Variants in ANKS1B observed in about 807,000 individuals in gnomAD.
The protein encoded by ANKS1B is ankyrin repeat and sterile alpha motif domain-containing protein 1B.
A neutral mutation model predicts 148.3 loss-of-function variants in ANKS1B; 36 were observed. The ratio of observed to expected loss-of-function variants is 0.24; its 90% CI spans 0.19 to 0.32. ANKS1B has a LOEUF of 0.32. ANKS1B is among the 10% of genes least tolerant of loss of function. The pLI is 1.00. For synonymous variants in ANKS1B, 542 were observed against 560.8 expected, an observed-to-expected ratio of 0.97 and a Z score of 0.47; for missense variants, 1,157 against 1,542.6, an observed-to-expected ratio of 0.75 and a Z score of 4.19.
At chr12:98,762,375 C>A (rs534559076) in intron 25 of ANKS1B, among the ~76,000 whole-genome samples, 1 of 152,072 alleles carries the variant, frequency 6.6e-6, no homozygotes, top group Non-Finnish European at 1.5e-5. Flanking sequence ...TAGAGATGCA[C>A]GCACAGTTGA....
At chr12:99,276,666 G>C (rs556802935) in intron 12 of ANKS1B, among the ~76,000 whole-genome samples, 8 of 152,322 alleles carry the variant, frequency 5.3e-5, no homozygotes, top group Admixed American at 5.2e-4. Flanking sequence ...GTGATATTTT[G>C]TTATGGCAGC....
chr12:99,606,091 T>C (rs1427036278), intron 9 of ANKS1B, among the ~76,000 whole-genome samples: 1 of 152,096 alleles, frequency 6.6e-6, no homozygotes, highest in Non-Finnish European at 1.5e-5. Context: ...ATTAGTGATG[T>C]TGAGCATTTT....
chr12:99,172,806 A>G (rs1465723796), intron 14 of ANKS1B, among the ~76,000 whole-genome samples: 1 of 152,220 alleles, frequency 6.6e-6, no homozygotes, highest in African/African-American at 2.4e-5. Flanking sequence ...ATGTTGATAA[A>G]TACAGAAAGT....
chr12:99,122,457 C>A (rs2063132575), intron 15 of ANKS1B, among the ~76,000 whole-genome samples: 1 of 152,154 alleles, frequency 6.6e-6, no homozygotes, highest in Non-Finnish European at 1.5e-5. Context: ...CAGTTTTTCT[C>A]TTAACTGCCA....
chr12:99,744,462 G>A (rs1177952745), intron 8 of ANKS1B, among the ~76,000 whole-genome samples: 1 of 152,144 alleles, frequency 6.6e-6, no homozygotes, highest in Non-Finnish European at 1.5e-5. Flanking sequence ...CTGTCCTTAA[G>A]TCCCTATGTC....
chr12:98,838,163 A>G (rs564960519), intron 17 of ANKS1B, among the ~76,000 whole-genome samples: 1 of 152,212 alleles, frequency 6.6e-6, no homozygotes, highest in East Asian at 1.9e-4. Context: ...TAATTCACTA[A>G]ACATTTCCCC....
intron 1 of ANKS1B, among the ~76,000 whole-genome samples, chr12:99,856,334 A>C (rs1565870828): frequency 6.6e-6 from 1 of 152,152 alleles, no homozygotes; most frequent in Non-Finnish European, 1.5e-5. Flanking sequence ...AAATTCCTGG[A>C]AATATACAGC....
chr12:99,505,403 G>C (rs563853396), intron 9 of ANKS1B, among the ~76,000 whole-genome samples: 1 of 151,822 alleles, frequency 6.6e-6, no homozygotes, highest in African/African-American at 2.4e-5. Flanking sequence ...CAGCACACTA[G>C]TATCTTTCCT....
chr12:99,203,981 T>C (rs2082356316), intron 14 of ANKS1B, among the ~76,000 whole-genome samples: 1 of 152,212 alleles, frequency 6.6e-6, no homozygotes. Context: ...TGTTGTATAA[T>C]CTGATGTCAC....
intron 17 of ANKS1B, chr12:98,894,724 C>T: frequency 1.0e-6 from 1 of 985,638 alleles, no homozygotes; most frequent in Non-Finnish European, 1.2e-6. Context: ...CCTCCGCTCC[C>T]CTAGCCGTTG....
In ANKS1B at chr12:99,767,405, T is replaced by TA. The variant is rs146590603; in HGVS notation, c.1128+5516dup. Among the ~76,000 whole-genome samples, 2,237 of 147,898 alleles carry TA rather than the reference T, an allele frequency of 0.015. 108 individuals carry two copies. In the East Asian group the frequency reaches 0.15, roughly 10 times the overall value. ...GAGGTAATGTTCTATTACAAATGTT[T>TA]AAAAAAAAAACAAAAAAACTTTTCC... is the stretch of plus-strand genomic sequence containing the variant. On this transcript the variant is annotated intron_variant, in intron 8 of 26. Transcript: ENST00000683438.
At chr12:99,371,951 A>C (rs2093158859) in intron 12 of ANKS1B, among the ~76,000 whole-genome samples, 1 of 152,156 alleles carries the variant, frequency 6.6e-6, no homozygotes, top group Non-Finnish European at 1.5e-5. Flanking sequence ...AACTAACACT[A>C]TTATTATTTC....
chr12:99,173,438 C>G (rs2078019073), intron 14 of ANKS1B, among the ~76,000 whole-genome samples: 1 of 151,860 alleles, frequency 6.6e-6, no homozygotes, highest in Non-Finnish European at 1.5e-5. Context: ...AGAATTTGAC[C>G]CTCAATTCTG....
intron 9 of ANKS1B, among the ~76,000 whole-genome samples, chr12:99,517,787 T>C (rs2096836623): frequency 6.6e-6 from 1 of 152,128 alleles, no homozygotes; most frequent in African/African-American, 2.4e-5. Context: ...ATAATCCTTG[T>C]TGTGTTCCAG....
chr12:99,692,574 A>C (rs1192169963), intron 8 of ANKS1B, among the ~76,000 whole-genome samples: 3 of 151,628 alleles, frequency 2.0e-5, no homozygotes, highest in Non-Finnish European at 4.4e-5. Flanking sequence ...TGGAGGCTGA[A>C]GCAGGAGAAT....
chr12:99,587,162 T>C (rs1317826107), intron 9 of ANKS1B, among the ~76,000 whole-genome samples: 4 of 152,190 alleles, frequency 2.6e-5, no homozygotes, highest in Admixed American at 6.5e-5. Flanking sequence ...CTACTTTTTG[T>C]CTAATAAGAA....
intron 11 of ANKS1B, among the ~76,000 whole-genome samples, chr12:99,440,799 G>T (rs1461395939): frequency 6.6e-6 from 1 of 151,770 alleles, no homozygotes; most frequent in African/African-American, 2.4e-5. Context: ...CCATTTACAG[G>T]TAGAGTTACA....
intron 8 of ANKS1B, among the ~76,000 whole-genome samples, chr12:99,662,060 G>A (rs189973339): frequency 6.6e-6 from 1 of 152,270 alleles, no homozygotes; most frequent in Admixed American, 6.5e-5. Flanking sequence ...GCCTTGGACT[G>A]CCTAGCTCTA....
chr12:99,293,560 AG>A (rs1369770316), intron 12 of ANKS1B, among the ~76,000 whole-genome samples: 1 of 152,218 alleles, frequency 6.6e-6, no homozygotes, highest in East Asian at 1.9e-4. Flanking sequence ...TAAGATTTCA[AG>A]CTATGAAACT....
Sources: gnomAD v4.1 joint callset for allele counts (sites outside exome capture counted in the v4.1 genomes callset) on GRCh38, gnomAD v4.1.1 for gene constraint, MANE v1.5 for transcripts, NCBI Gene and HGNC (gene_info 2026-07-23, HGNC 2026-07-21) for gene names.